Variants in CYP7B1 observed in about 807,000 individuals in gnomAD.
CYP7B1 encodes the protein cytochrome P450 7B1.
In CYP7B1, 29 loss-of-function variants were observed where a neutral mutation model predicts 42.7. The observed-to-expected ratio is 0.68, with a 90% confidence interval of 0.51 to 0.93. CYP7B1 has a LOEUF of 0.93. CYP7B1 is among the 40% of genes least tolerant of loss of function. CYP7B1 has a pLI of 0.00. For missense variants in CYP7B1, 655 were observed against 600.5 expected (o/e 1.09, Z -0.95); for synonymous variants, 235 against 218.2 (o/e 1.08, Z -0.68).
intron 4 of CYP7B1, among the ~76,000 whole-genome samples, chr8:64,607,189 T>TC (rs1242540867): frequency 6.6e-6 from 1 of 152,166 alleles, no homozygotes; most frequent in East Asian, 1.9e-4. Flanking sequence ...TTCCCCCTTC[T>TC]CACACATGAG....
At chr8:64,776,273 C>T (rs527263888) in intron 1 of CYP7B1, among the ~76,000 whole-genome samples, 4 of 152,072 alleles carry the variant, frequency 2.6e-5, no homozygotes, top group Non-Finnish European at 4.4e-5. Flanking sequence ...ACAGAAATGC[C>T]GTCTCTGCAT....
chr8:64,648,686 T>C (rs1340375045), intron 1 of CYP7B1, among the ~76,000 whole-genome samples: 2 of 152,330 alleles, frequency 1.3e-5, no homozygotes, highest in East Asian at 3.9e-4. Context: ...TGTATTTCCT[T>C]GTGATGATAA....
chr8:64,750,438 T>A (rs542810646), intron 1 of CYP7B1, among the ~76,000 whole-genome samples: 1 of 152,360 alleles, frequency 6.6e-6, no homozygotes, highest in South Asian at 2.1e-4. Flanking sequence ...GTCAAAGGAA[T>A]GAATTTAATC....
At chr8:64,619,301 T>C (rs901656201) in intron 2 of CYP7B1, among the ~76,000 whole-genome samples, 8 of 152,168 alleles carry the variant, frequency 5.3e-5, no homozygotes, top group Non-Finnish European at 8.8e-5. Flanking sequence ...AACATTAACT[T>C]TTGCTCCAGG....
chr8:64,626,975 T>C (rs760051778), intron 1 of CYP7B1, among the ~76,000 whole-genome samples: 1 of 152,174 alleles, frequency 6.6e-6, no homozygotes, highest in Non-Finnish European at 1.5e-5. Flanking sequence ...CAATCCAACA[T>C]GGTAGAATTT....
intron 1 of CYP7B1, among the ~76,000 whole-genome samples, chr8:64,647,851 C>G (rs1805977334): frequency 6.6e-6 from 1 of 152,090 alleles, no homozygotes; most frequent in Admixed American, 6.6e-5. Context: ...ACAGACACAC[C>G]CAGAAATAAT....
chr8:64,765,849 C>A (rs753769669), intron 1 of CYP7B1, among the ~76,000 whole-genome samples: 2 of 152,138 alleles, frequency 1.3e-5, no homozygotes, highest in African/African-American at 2.4e-5. Context: ...CTTTCCCTCT[C>A]AGACTTGAAG....
chr8:64,708,033 G>A (rs1484342453), intron 1 of CYP7B1, among the ~76,000 whole-genome samples: 2 of 152,050 alleles, frequency 1.3e-5, no homozygotes, highest in Non-Finnish European at 2.9e-5. Flanking sequence ...CAATGCCCTT[G>A]GGAGCATGGA....
At chr8:64,768,917 G>A (rs1804157123) in intron 1 of CYP7B1, among the ~76,000 whole-genome samples, 1 of 152,056 alleles carries the variant, frequency 6.6e-6, no homozygotes, top group South Asian at 2.1e-4. Context: ...AACATAAACT[G>A]CAAACTCTAT....
intron 1 of CYP7B1, among the ~76,000 whole-genome samples, chr8:64,638,543 AT>A (rs1805807896): frequency 1.3e-5 from 2 of 152,206 alleles, no homozygotes; most frequent in South Asian, 4.1e-4. Flanking sequence ...TAGGTAGAAT[AT>A]TTTTGAGTTT....
intron 1 of CYP7B1, among the ~76,000 whole-genome samples, chr8:64,629,055 G>A (rs1019999349): frequency 4.0e-5 from 6 of 151,820 alleles, no homozygotes; most frequent in African/African-American, 9.7e-5. Context: ...GTGAAACCCC[G>A]TCTCAACTAA....
intron 2 of CYP7B1, 72 bp from the exon 3 acceptor site, chr8:64,616,353 A>C: frequency 1.0e-6 from 1 of 972,956 alleles, no homozygotes; most frequent in East Asian, 2.6e-5. Context: ...CCACAAATTA[A>C]AAAATATGTT....
At chr8:64,738,304 A>G (rs914627948) in intron 1 of CYP7B1, among the ~76,000 whole-genome samples, 1 of 152,166 alleles carries the variant, frequency 6.6e-6, no homozygotes, top group Non-Finnish European at 1.5e-5. Flanking sequence ...AAAATCCCAG[A>G]AAAGTTTTTT....
Position 64,710,607 on chromosome 8 carries a change from T to C in CYP7B1, c.123-86068A>G, listed in dbSNP as rs116534623. ...CTCTGAATTCTGCTAACATCTCAGTTAGGATACTTGCCATTTTTAGATTCA... is the reference window on the plus strand; with the variant it reads ...CTCTGAATTCTGCTAACATCTCAGTCAGGATACTTGCCATTTTTAGATTCA... On this transcript the variant is annotated intron_variant, in intron 1 of 5. Transcript: ENST00000310193. 5.1e-3 allele frequency among the ~76,000 whole-genome samples: 776 copies of C among 152,252 alleles called. 8 individuals are homozygous for C. The highest frequency in any genetic ancestry group is 0.017 in the African/African-American group (726 of 41,564).
chr8:64,602,937 AT>A (rs944229198), intron 5 of CYP7B1, among the ~76,000 whole-genome samples: 6 of 152,016 alleles, frequency 3.9e-5, no homozygotes, highest in South Asian at 2.1e-4. Context: ...GAGCTATATC[AT>A]TTTTTTTCTG....
intron 1 of CYP7B1, among the ~76,000 whole-genome samples, chr8:64,793,093 T>C (rs1804647003): frequency 6.6e-6 from 1 of 152,218 alleles, no homozygotes; most frequent in Admixed American, 6.5e-5. Context: ...CAAGGAAATG[T>C]ATTCTCTCCT....
intron 1 of CYP7B1, among the ~76,000 whole-genome samples, chr8:64,795,825 T>C (rs754796244): frequency 3.2e-4 from 48 of 152,198 alleles, no homozygotes; most frequent in Non-Finnish European, 6.2e-4. Context: ...CATCTGTGAT[T>C]GACAGTCTCA....
intron 2 of CYP7B1, among the ~76,000 whole-genome samples, chr8:64,617,783 G>A (rs997552730): frequency 6.6e-6 from 1 of 151,710 alleles, no homozygotes; most frequent in Non-Finnish European, 1.5e-5. Flanking sequence ...TCAATTTGGT[G>A]CAAGATATTT....
chr8:64,753,907 C>G (rs1340137892), intron 1 of CYP7B1, among the ~76,000 whole-genome samples: 1 of 152,154 alleles, frequency 6.6e-6, no homozygotes, highest in African/African-American at 2.4e-5. Flanking sequence ...CATGTCCATG[C>G]AACAAAGAGG....
Sources: allele counts gnomAD v4.1 joint callset (sites outside exome capture counted in the v4.1 genomes callset), GRCh38; gene constraint gnomAD v4.1.1; transcripts MANE v1.5; gene names NCBI Gene and HGNC (gene_info 2026-07-23, HGNC 2026-07-21).